Variants in MDFIC observed in about 807,000 individuals in gnomAD.
MDFIC encodes the protein MyoD family inhibitor domain containing.
In MDFIC, 17 loss-of-function variants were observed where a neutral mutation model predicts 23.2. The observed-to-expected ratio is 0.73, with a 90% CI of 0.50 to 1.10. MDFIC has a LOEUF of 1.10. Among genes scored for constraint, MDFIC ranks in the 50% least tolerant of loss-of-function variants. The pLI is 0.00. For synonymous variants in MDFIC, 120 were observed against 115.2 expected (o/e 1.04, Z -0.27); for missense variants, 356 against 316.6 (o/e 1.12, Z -0.95).
rs1791823792 is a variant in MDFIC at position 115,017,920 on chromosome 7, T to C, written c.*1985T>C. 1 of 152,058 alleles carries C rather than the reference T, an allele frequency of 6.6e-6. No homozygotes were observed. The highest frequency in any genetic ancestry group is 2.1e-4 in the South Asian group (1 of 4,830). 9.4% of individuals were successfully genotyped at this position (152,058 alleles called of 1,614,324 possible). ...AGGTTTTTAACCTGAAGCATGAGAATATATCACCTGTGGTTTTTCCTTTGA... is the reference window on the plus strand; with the variant it reads ...AGGTTTTTAACCTGAAGCATGAGAACATATCACCTGTGGTTTTTCCTTTGA... On this transcript the variant is annotated 3_prime_UTR_variant, in exon 5 of 5. Transcript: ENST00000393486.
intron 3 of MDFIC, among the ~76,000 whole-genome samples, chr7:114,969,701 C>T (rs1353226849): frequency 6.6e-6 from 1 of 152,058 alleles, no homozygotes; most frequent in Non-Finnish European, 1.5e-5. Flanking sequence ...GATCAGCACA[C>T]ACTTATGTGT....
chr7:114,922,384 G>A lies in MDFIC; in HGVS notation c.-360G>A. 8.1e-7 allele frequency: 1 copy of A among 1,235,478 alleles called. No homozygotes were observed. The highest frequency in any genetic ancestry group is 1.0e-6 in the Non-Finnish European group (1 of 988,616). 76.5% of individuals were successfully genotyped at this position (1,235,478 alleles called of 1,614,324 possible). ...GGAAGGCCCCCTCGCAGGGGAGCCG[G>A]CTGGAGTGAGCTGGCTGGAAAGAGG... On this transcript the variant is annotated 5_prime_UTR_variant, in exon 1 of 5. Coordinates refer to ENST00000393486, the MANE Select transcript of MDFIC (RefSeq NM_001166345.3).
intron 2 of MDFIC, among the ~76,000 whole-genome samples, chr7:114,931,987 G>A (rs948690560): frequency 6.6e-6 from 1 of 152,032 alleles, no homozygotes; most frequent in Non-Finnish European, 1.5e-5. Flanking sequence ...CTGATCTTTC[G>A]GGTGTTTGTA....
intron 3 of MDFIC, among the ~76,000 whole-genome samples, chr7:114,967,830 C>CTTTT (rs56343596): frequency 1.2e-4 from 14 of 118,680 alleles, no homozygotes; most frequent in Non-Finnish European, 1.6e-4. Context: ...TCTTTCTTTT[C>CTTTT]TTTTTTTTTT....
intron 3 of MDFIC, among the ~76,000 whole-genome samples, chr7:114,948,217 T>C (rs914748022): frequency 1.1e-4 from 3 of 26,824 alleles, no homozygotes; most frequent in Non-Finnish European, 2.2e-4. Flanking sequence ...AGTATTCCAT[T>C]TATTCTTCTA....
Position 115,017,547 on chromosome 7 carries a change from A to C in MDFIC, c.*1612A>C, listed in dbSNP as rs1791818569. On this transcript the variant is annotated 3_prime_UTR_variant, in exon 5 of 5. Transcript: ENST00000393486. ...TCTAGATATCCCCTACTGTGACCAA[A>C]TTTCTGTATTACGATTTTATGTTAA... 1 of 152,184 alleles carries C rather than the reference A, an allele frequency of 6.6e-6. No individual in the cohort carries two copies. The highest frequency in any genetic ancestry group is 6.6e-5 in the Admixed American group (1 of 15,228). The allele number at this position is 152,184 out of a possible 1,614,324, so 9.4% of individuals were successfully genotyped here.
At chr7:115,001,328 A>G (rs1370773664) in intron 4 of MDFIC, among the ~76,000 whole-genome samples, 1 of 152,214 alleles carries the variant, frequency 6.6e-6, no homozygotes, top group Non-Finnish European at 1.5e-5. Context: ...AATTTCCACT[A>G]TAACTTCTCT....
intron 3 of MDFIC, among the ~76,000 whole-genome samples, chr7:114,964,713 G>A (rs1793064065): frequency 6.6e-6 from 1 of 152,156 alleles, no homozygotes; most frequent in South Asian, 2.1e-4. Context: ...ACCACACCCA[G>A]CTAGTTTTTG....
chr7:114,994,928 T>C (rs1791288891), intron 4 of MDFIC, among the ~76,000 whole-genome samples: 2 of 152,220 alleles, frequency 1.3e-5, no homozygotes, highest in South Asian at 2.1e-4. Flanking sequence ...TCCTGGATAA[T>C]ATCCTGCAGA....
chr7:115,002,201 A>G (rs1791478674), intron 4 of MDFIC, among the ~76,000 whole-genome samples: 1 of 152,284 alleles, frequency 6.6e-6, no homozygotes, highest in Middle Eastern at 3.4e-3. Flanking sequence ...CCAGAATTGG[A>G]TTTCCTGATG....
intron 2 of MDFIC, among the ~76,000 whole-genome samples, chr7:114,927,312 TTTAAAAACAGTCC>T (rs890899487): frequency 1.9e-4 from 23 of 120,818 alleles, no homozygotes; most frequent in Middle Eastern, 8.3e-3. Context: ...GTGATAGACT[TTTAAAAACAGTCC>T]TTTTTTTTTT....
intron 3 of MDFIC, among the ~76,000 whole-genome samples, chr7:114,969,476 G>A (rs1427613491): frequency 6.6e-6 from 1 of 152,144 alleles, no homozygotes; most frequent in Non-Finnish European, 1.5e-5. Flanking sequence ...ATCTTGTACT[G>A]AAGGAACTCT....
chr7:114,952,841 A>G (rs1045418800), intron 3 of MDFIC, among the ~76,000 whole-genome samples: 26 of 152,314 alleles, frequency 1.7e-4, no homozygotes, highest in Non-Finnish European at 2.4e-4. Context: ...TATATCATTT[A>G]TGTGTAGGCC....
intron 4 of MDFIC, among the ~76,000 whole-genome samples, chr7:114,999,487 T>C (rs1222332292): frequency 1.3e-5 from 2 of 152,074 alleles, no homozygotes; most frequent in African/African-American, 4.8e-5. Flanking sequence ...TGAAGCAACA[T>C]AGAAATACTA....
intron 4 of MDFIC, among the ~76,000 whole-genome samples, chr7:114,980,408 T>G (rs1419171824): frequency 6.6e-6 from 1 of 152,188 alleles, no homozygotes; most frequent in Non-Finnish European, 1.5e-5. Context: ...CTCTGTCCCC[T>G]GGAGAACTAG....
At chr7:114,965,637 T>C (rs1793080256) in intron 3 of MDFIC, among the ~76,000 whole-genome samples, 1 of 152,002 alleles carries the variant, frequency 6.6e-6, no homozygotes, top group African/African-American at 2.4e-5. Context: ...TAGTGACAGG[T>C]GGTGGGGGAT....
chr7:114,941,434 T>C (rs540710204), intron 2 of MDFIC, among the ~76,000 whole-genome samples: 48 of 152,328 alleles, frequency 3.2e-4, no homozygotes, highest in African/African-American at 1.0e-3. Context: ...TGCCCAAACG[T>C]CTGCTTTTGG....
chr7:115,016,030 AT>A lies in MDFIC; in HGVS notation c.*96del. The A allele has an allele frequency of 7.7e-7, 1 of 1,305,178 alleles. No individual in the cohort carries two copies. The highest frequency in any genetic ancestry group is 1.1e-6 in the Non-Finnish European group (1 of 948,944). The allele number at this position is 1,305,178 out of a possible 1,614,324, so 80.8% of individuals were successfully genotyped here. On this transcript the variant is annotated 3_prime_UTR_variant, in exon 5 of 5. Transcript: ENST00000393486. ...CATTGTAAGATTCTCATGAAACAAC[AT>A]GGAATTTGCACTGTTAACTCATTAT... is the stretch of plus-strand genomic sequence containing the variant.
chr7:114,975,214 T>C (rs1793287647), intron 3 of MDFIC, among the ~76,000 whole-genome samples: 1 of 152,106 alleles, frequency 6.6e-6, no homozygotes, highest in Non-Finnish European at 1.5e-5. Context: ...TTTGTACCTT[T>C]AACGCATGTG....
Sources: allele counts gnomAD v4.1 joint callset (sites outside exome capture counted in the v4.1 genomes callset), GRCh38; gene constraint gnomAD v4.1.1; transcripts MANE v1.5; gene names NCBI Gene and HGNC (gene_info 2026-07-23, HGNC 2026-07-21).